The following TRDN variants were observed in gnomAD, a reference collection of about 807,000 sequenced individuals.
TRDN encodes the protein triadin in skeletal muscle.
Under a neutral mutation model 149.7 loss-of-function variants are expected in TRDN, and 161 were observed. The ratio of observed to expected loss-of-function variants is 1.08; its 90% CI spans 0.95 to 1.23. TRDN has a LOEUF of 1.23. Ranked by LOEUF, TRDN falls within the 50% of genes most tolerant of loss-of-function variation. TRDN has a pLI of 0.00. For synonymous variants in TRDN, 294 were observed against 250.5 expected, an observed-to-expected ratio of 1.17 and a Z score of -1.64; for missense variants, 896 against 823.5, an observed-to-expected ratio of 1.09 and a Z score of -1.08.
At chr6:123,404,561 G>C (rs1022176929) in intron 12 of TRDN, among the ~76,000 whole-genome samples, 3 of 152,060 alleles carry the variant, frequency 2.0e-5, no homozygotes, top group Non-Finnish European at 2.9e-5. Flanking sequence ...TAATTCTTCT[G>C]CCTCAGCCTC....
intron 29 of TRDN, among the ~76,000 whole-genome samples, chr6:123,271,650 C>T: frequency 6.6e-6 from 1 of 151,910 alleles, no homozygotes; most frequent in Non-Finnish European, 1.5e-5. Context: ...AAAGTTGATG[C>T]CTTTGTGGGA....
At chr6:123,307,171 G>A (rs748193405) in intron 24 of TRDN, among the ~76,000 whole-genome samples, 1 of 151,940 alleles carries the variant, frequency 6.6e-6, no homozygotes, top group Non-Finnish European at 1.5e-5. Context: ...TTATAGGAGA[G>A]GATTTAGAAG....
intron 38 of TRDN, among the ~76,000 whole-genome samples, chr6:123,231,953 T>G (rs975125851): frequency 1.3e-5 from 2 of 152,010 alleles, no homozygotes. Flanking sequence ...AAGAAGAAGT[T>G]TATGATATGA....
chr6:123,397,824 A>T (rs1327104687), intron 12 of TRDN, among the ~76,000 whole-genome samples: 2 of 152,214 alleles, frequency 1.3e-5, no homozygotes, highest in African/African-American at 4.8e-5. Context: ...AGGAGGAGAA[A>T]CAAACAACAA....
chr6:123,245,981 A>G (rs1776160536), intron 38 of TRDN, among the ~76,000 whole-genome samples: 1 of 152,190 alleles, frequency 6.6e-6, no homozygotes, highest in South Asian at 2.1e-4. Context: ...CTGCTCCTGA[A>G]TGACTACTGG....
Position 123,296,878 on chromosome 6 carries a change from T to TA in TRDN, c.1511-17797dup, listed in dbSNP as rs200560964. Among the ~76,000 whole-genome samples, 5 of 152,206 alleles carry TA rather than the reference T, an allele frequency of 3.3e-5. No homozygotes were observed. In the East Asian group the frequency reaches 9.7e-4, roughly 29 times the overall value. On this transcript the variant is annotated intron_variant, in intron 24 of 40. Transcript: ENST00000334268. ...CTTTAGTCTTTTAAAGGCCATTTGG[T>TA]AAACAAGAATTGTCTCTGACAATTA...
chr6:123,472,320 G>C (rs529983455), intron 9 of TRDN, among the ~76,000 whole-genome samples: 229 of 152,302 alleles, frequency 1.5e-3, no homozygotes, highest in African/African-American at 5.1e-3. Context: ...AAGGGGTGAC[G>C]GACAGCACCT....
chr6:123,313,365 T>C (rs1240489586), intron 24 of TRDN, among the ~76,000 whole-genome samples: 1 of 152,030 alleles, frequency 6.6e-6, no homozygotes, highest in African/African-American at 2.4e-5. Flanking sequence ...AAGATGGTAC[T>C]CTGACTTTTT....
At chr6:123,435,520 G>C (rs1774520769) in intron 12 of TRDN, among the ~76,000 whole-genome samples, 1 of 148,996 alleles carries the variant, frequency 6.7e-6, no homozygotes, top group Non-Finnish European at 1.5e-5. Flanking sequence ...CTCTCTCTCT[G>C]ACACAGACAC....
chr6:123,384,059 T>G (rs1238236083), intron 14 of TRDN, among the ~76,000 whole-genome samples: 1 of 152,186 alleles, frequency 6.6e-6, no homozygotes, highest in African/African-American at 2.4e-5. Context: ...AATTTTAAAT[T>G]AGTAGGCTAC....
At chr6:123,455,298 T>C (rs1776042657) in intron 10 of TRDN, among the ~76,000 whole-genome samples, 1 of 151,764 alleles carries the variant, frequency 6.6e-6, no homozygotes. Flanking sequence ...TAAAGCTTTT[T>C]ACATGAGTGA....
chr6:123,591,649 A>G (rs1783787865), intron 1 of TRDN, among the ~76,000 whole-genome samples: 1 of 152,218 alleles, frequency 6.6e-6, no homozygotes, highest in Non-Finnish European at 1.5e-5. Context: ...CGAAGGAAAT[A>G]CACGTATTTT....
At chr6:123,516,106 C>A in intron 6 of TRDN, 35 bp downstream of exon 6, 1 of 1,434,534 alleles carries the variant, frequency 7.0e-7, no homozygotes, top group Non-Finnish European at 9.2e-7. Context: ...GGAAAGGACT[C>A]AGTGTGTTAA....
At chr6:123,582,863 T>A (rs1396463681) in intron 1 of TRDN, among the ~76,000 whole-genome samples, 2 of 151,496 alleles carry the variant, frequency 1.3e-5, no homozygotes, top group African/African-American at 2.4e-5. Context: ...TGAGTGGGAT[T>A]GGGGGGGCGT....
chr6:123,308,464 A>G (rs550959396), intron 24 of TRDN, among the ~76,000 whole-genome samples: 1 of 151,866 alleles, frequency 6.6e-6, no homozygotes, highest in Non-Finnish European at 1.5e-5. Flanking sequence ...TGTCTGAGCT[A>G]ATTTACATTC....
chr6:123,274,692 A>G, intron 26 of TRDN, 22 bp from the exon 27 acceptor site: 2 of 1,601,226 alleles, frequency 1.2e-6, no homozygotes, highest in Non-Finnish European at 1.7e-6. Flanking sequence ...AAAAGGCAGA[A>G]AATTTAAAAC....
chr6:123,556,604 TC>T (rs1307010644), intron 2 of TRDN, among the ~76,000 whole-genome samples: 1 of 151,948 alleles, frequency 6.6e-6, no homozygotes, highest in Non-Finnish European at 1.5e-5. Context: ...TTCCTCCTCC[TC>T]CTTCTTCTTC....
intron 9 of TRDN, among the ~76,000 whole-genome samples, chr6:123,490,087 T>C (rs939293154): frequency 1.3e-5 from 2 of 152,162 alleles, no homozygotes; most frequent in Non-Finnish European, 2.9e-5. Flanking sequence ...AAAATTGAAA[T>C]TGATTATACA....
chr6:123,481,362 A>G (rs1003092236), intron 9 of TRDN, among the ~76,000 whole-genome samples: 2 of 151,564 alleles, frequency 1.3e-5, no homozygotes, highest in African/African-American at 2.4e-5. Flanking sequence ...TAAGGGAAAC[A>G]GTGATTATAT....
Sources: gnomAD v4.1 joint callset for allele counts (sites outside exome capture counted in the v4.1 genomes callset) on GRCh38, gnomAD v4.1.1 for gene constraint, MANE v1.5 for transcripts, NCBI Gene and HGNC (gene_info 2026-07-23, HGNC 2026-07-21) for gene names.